Variants in ATG4C observed in about 807,000 individuals in gnomAD.
ATG4C encodes cysteine protease ATG4C.
Under a neutral mutation model 57.6 loss-of-function variants are expected in ATG4C, and 56 were observed. The observed-to-expected ratio is 0.97, with a 90% CI of 0.78 to 1.21. ATG4C has a LOEUF of 1.21. ATG4C is among the 50% of genes most tolerant of loss of function. The probability of loss-of-function intolerance (pLI) is 0.00; values close to 1 mark genes in which losing one functional copy is unlikely to be tolerated. For synonymous variants in ATG4C, 157 were observed against 174.1 expected (o/e 0.90, Z 0.78); for missense variants, 595 against 529.8 (o/e 1.12, Z -1.21).
intron 10 of ATG4C, among the ~76,000 whole-genome samples, chr1:62,861,166 T>TGGG (rs1168675941): frequency 2.3e-4 from 35 of 152,312 alleles, no homozygotes; most frequent in African/African-American, 7.5e-4. Context: ...AAAAAACAAC[T>TGGG]ATGAGATGGT....
At chr1:62,837,968 G>C (rs570889518) in intron 9 of ATG4C, among the ~76,000 whole-genome samples, 1 of 152,098 alleles carries the variant, frequency 6.6e-6, no homozygotes, top group Non-Finnish European at 1.5e-5. Context: ...TTATCAGTAG[G>C]TACTTTTTAC....
intron 1 of ATG4C, among the ~76,000 whole-genome samples, chr1:62,799,826 A>G (rs929823332): frequency 1.3e-5 from 2 of 151,832 alleles, no homozygotes; most frequent in Non-Finnish European, 2.9e-5. Context: ...TATTGACTAT[A>G]ATCCCCCGTT....
intron 10 of ATG4C, among the ~76,000 whole-genome samples, chr1:62,863,573 G>A (rs900006301): frequency 1.7e-4 from 26 of 152,050 alleles, no homozygotes; most frequent in Admixed American, 1.7e-3. Context: ...TGGACCTTCT[G>A]ACTCAGTTTA....
At chr1:62,797,262 A>C (rs1664501044) in intron 1 of ATG4C, among the ~76,000 whole-genome samples, 1 of 151,400 alleles carries the variant, frequency 6.6e-6, no homozygotes, top group Admixed American at 6.6e-5. Flanking sequence ...TTTCTCACTC[A>C]ATGCCCTCGA....
intron 10 of ATG4C, among the ~76,000 whole-genome samples, chr1:62,855,603 C>T (rs1272404199): frequency 6.6e-6 from 1 of 152,144 alleles, no homozygotes; most frequent in Non-Finnish European, 1.5e-5. Context: ...ATGTTATAGC[C>T]ATTGAATCCC....
intron 1 of ATG4C, among the ~76,000 whole-genome samples, chr1:62,796,107 T>C (rs1664453835): frequency 6.6e-6 from 1 of 151,818 alleles, no homozygotes; most frequent in African/African-American, 2.4e-5. Flanking sequence ...ATTTTATAAT[T>C]ATGGCTAAAT....
At chr1:62,842,232 T>A (rs1666192064) in intron 10 of ATG4C, among the ~76,000 whole-genome samples, 1 of 152,094 alleles carries the variant, frequency 6.6e-6, no homozygotes, top group Admixed American at 6.5e-5. Flanking sequence ...GTTTGATAGC[T>A]CTTTATTTGT....
intron 1 of ATG4C, among the ~76,000 whole-genome samples, chr1:62,797,002 TGAGG>T (rs1664492080): frequency 6.6e-6 from 1 of 151,862 alleles, no homozygotes; most frequent in Non-Finnish European, 1.5e-5. Flanking sequence ...CAGCTACTCC[TGAGG>T]CTGATGCAGG....
At chr1:62,786,932 AGGT>A (rs1442489145) in intron 1 of ATG4C, among the ~76,000 whole-genome samples, 3 of 152,112 alleles carry the variant, frequency 2.0e-5, no homozygotes, top group African/African-American at 4.8e-5. Flanking sequence ...ATTTTGGACA[AGGT>A]GGTGGTGGTA....
chr1:62,842,891 T>C (rs1666214617), intron 10 of ATG4C, among the ~76,000 whole-genome samples: 1 of 152,184 alleles, frequency 6.6e-6, no homozygotes, highest in African/African-American at 2.4e-5. Context: ...TTTCCTCCTA[T>C]TACTGGAAAT....
intron 1 of ATG4C, among the ~76,000 whole-genome samples, chr1:62,788,818 A>AT (rs1184824882): frequency 6.6e-6 from 1 of 150,818 alleles, no homozygotes; most frequent in Admixed American, 6.6e-5. Context: ...GATTTATCTG[A>AT]TTTTTTCCTC....
At chr1:62,824,231 C>T (rs1472413017) in intron 6 of ATG4C, among the ~76,000 whole-genome samples, 2 of 152,126 alleles carry the variant, frequency 1.3e-5, no homozygotes, top group South Asian at 4.1e-4. Context: ...GTGTAGAACA[C>T]ATAAATAAAT....
chr1:62,815,258 T>C (rs1382991718), intron 3 of ATG4C, among the ~76,000 whole-genome samples: 1 of 152,108 alleles, frequency 6.6e-6, no homozygotes, highest in Non-Finnish European at 1.5e-5. Flanking sequence ...TTTATCTCTT[T>C]TGTTGTCTTA....
At chr1:62,850,280 C>G (rs1172938465) in intron 10 of ATG4C, among the ~76,000 whole-genome samples, 1 of 152,124 alleles carries the variant, frequency 6.6e-6, no homozygotes. Context: ...TCTCACCACT[C>G]TCATTATTAC....
intron 1 of ATG4C, among the ~76,000 whole-genome samples, chr1:62,799,615 T>C (rs2100289791): frequency 6.6e-6 from 1 of 152,318 alleles, no homozygotes; most frequent in African/African-American, 2.4e-5. Flanking sequence ...CACAGCATCT[T>C]AATTTTTAAT....
At chr1:62,801,981 A>G (rs796673722) in intron 1 of ATG4C, among the ~76,000 whole-genome samples, 2,656 of 142,284 alleles carry the variant, frequency 0.019, 104 homozygotes, top group African/African-American at 0.066. Context: ...AAAAAAAAAA[A>G]AAAAGAAAAA....
At chr1:62,811,380 T>C (rs1389584524) in intron 3 of ATG4C, among the ~76,000 whole-genome samples, 1 of 152,218 alleles carries the variant, frequency 6.6e-6, no homozygotes, top group Non-Finnish European at 1.5e-5. Flanking sequence ...TTCCTTGTAT[T>C]ATGCAGTTTT....
At chr1:62,819,388 A>C in intron 5 of ATG4C, 53 bp downstream of exon 5, 1 of 1,434,138 alleles carries the variant, frequency 7.0e-7, no homozygotes, top group Non-Finnish European at 9.4e-7. Flanking sequence ...CAGGATTAAG[A>C]GATACTGATT....
chr1:62,809,539 TTA>T (rs1440309402), intron 3 of ATG4C, among the ~76,000 whole-genome samples: 3 of 147,122 alleles, frequency 2.0e-5, no homozygotes, highest in African/African-American at 4.9e-5. Flanking sequence ...TAATGTATAA[TTA>T]TATATCACTT....
Sources: gnomAD v4.1 joint callset for allele counts (sites outside exome capture counted in the v4.1 genomes callset) on GRCh38, gnomAD v4.1.1 for gene constraint, MANE v1.5 for transcripts, NCBI Gene and HGNC (gene_info 2026-07-23, HGNC 2026-07-21) for gene names.